Variants in FSHR observed in about 807,000 individuals in gnomAD.
FSHR encodes follicle-stimulating hormone receptor.
In FSHR, 46 loss-of-function variants were observed where a neutral mutation model predicts 52.1. That is an observed-to-expected ratio of 0.88 (90% CI 0.70 to 1.13). FSHR has a LOEUF of 1.13. Among genes scored for constraint, FSHR ranks in the 50% most tolerant of loss-of-function variants. The pLI, the probability that FSHR is intolerant of heterozygous loss-of-function variation, is 0.00. For synonymous variants in FSHR, 399 were observed against 309.6 expected (o/e 1.29, Z -3.03); for missense variants, 964 against 834.6 (o/e 1.16, Z -1.91).
intron 6 of FSHR, among the ~76,000 whole-genome samples, chr2:48,987,105 T>C (rs1470289211): frequency 1.3e-5 from 2 of 152,202 alleles, no homozygotes; most frequent in Non-Finnish European, 2.9e-5. Context: ...AGGAATCCTT[T>C]TACTGTTGTG....
At chr2:49,142,903 G>T (rs984819370) in intron 1 of FSHR, among the ~76,000 whole-genome samples, 1 of 152,152 alleles carries the variant, frequency 6.6e-6, no homozygotes, top group Non-Finnish European at 1.5e-5. Flanking sequence ...TGAAGGCTGG[G>T]AGAAGAGATT....
intron 2 of FSHR, among the ~76,000 whole-genome samples, chr2:49,060,144 A>G (rs923822883): frequency 6.6e-6 from 1 of 152,194 alleles, no homozygotes; most frequent in African/African-American, 2.4e-5. Flanking sequence ...TCAAACCATA[A>G]TGAGGTATCA....
intron 1 of FSHR, among the ~76,000 whole-genome samples, chr2:49,114,866 G>A (rs1671545433): frequency 6.6e-6 from 1 of 152,016 alleles, no homozygotes; most frequent in Non-Finnish European, 1.5e-5. Flanking sequence ...TACAACCTTT[G>A]TGGTAGAATC....
intron 8 of FSHR, among the ~76,000 whole-genome samples, chr2:48,982,132 C>T (rs1013662570): frequency 1.3e-5 from 2 of 152,100 alleles, no homozygotes; most frequent in Admixed American, 6.6e-5. Context: ...ATTGTCCCCC[C>T]ACCAAAGAAG....
At chr2:49,142,172 T>C (rs545862407) in intron 1 of FSHR, among the ~76,000 whole-genome samples, 11 of 152,346 alleles carry the variant, frequency 7.2e-5, no homozygotes, top group African/African-American at 2.6e-4. Context: ...TGTTGAAATC[T>C]TTGCCATCAT....
At chr2:49,074,023 T>C (rs1296504899) in intron 1 of FSHR, among the ~76,000 whole-genome samples, 1 of 152,096 alleles carries the variant, frequency 6.6e-6, no homozygotes, top group African/African-American at 2.4e-5. Flanking sequence ...CCTCTCATTC[T>C]ATATAGAAAT....
intron 2 of FSHR, among the ~76,000 whole-genome samples, chr2:49,038,498 A>G (rs1012044869): frequency 4.0e-5 from 6 of 151,468 alleles, no homozygotes; most frequent in East Asian, 3.9e-4. Context: ...GGTGGGGAGC[A>G]CCTGTAGTCC....
intron 1 of FSHR, among the ~76,000 whole-genome samples, chr2:49,111,949 A>G (rs944657759): frequency 7.9e-5 from 12 of 152,198 alleles, no homozygotes; most frequent in Non-Finnish European, 1.6e-4. Context: ...AGGGCTGACA[A>G]TATTGCCCGT....
chr2:49,085,967 G>C (rs542801473), intron 1 of FSHR, among the ~76,000 whole-genome samples: 31 of 151,934 alleles, frequency 2.0e-4, no homozygotes, highest in African/African-American at 4.1e-4. Context: ...CCTGTTGTGG[G>C]GGGGGGGAGT....
At chr2:49,067,372 TA>T (rs1669545951) in intron 2 of FSHR, among the ~76,000 whole-genome samples, 1 of 152,138 alleles carries the variant, frequency 6.6e-6, no homozygotes, top group South Asian at 2.1e-4. Context: ...ACCAAAAAGA[TA>T]AAGTTAATGA....
chr2:49,126,847 TAC>T (rs1337155273), intron 1 of FSHR, among the ~76,000 whole-genome samples: 2 of 152,212 alleles, frequency 1.3e-5, no homozygotes. Context: ...ATGTGAAAGT[TAC>T]AGAGATGGTT....
At chr2:49,139,477 A>C (rs1257643816) in intron 1 of FSHR, among the ~76,000 whole-genome samples, 4 of 152,154 alleles carry the variant, frequency 2.6e-5, no homozygotes, top group Non-Finnish European at 4.4e-5. Flanking sequence ...CAAGCTGACC[A>C]TGGAAGACCT....
At chr2:49,096,068 A>G (rs1604825) in intron 1 of FSHR, among the ~76,000 whole-genome samples, 4,472 of 152,318 alleles carry the variant, frequency 0.029, 199 homozygotes, top group African/African-American at 0.1. Flanking sequence ...TAGTTCCTCA[A>G]AAAGTTAAAC....
chr2:49,121,187 T>C (rs1011577), intron 1 of FSHR, among the ~76,000 whole-genome samples: 72,653 of 152,058 alleles, frequency 0.48, 18,304 homozygotes, highest in East Asian at 0.71. Flanking sequence ...CAGACACTGC[T>C]GAGTGATTTC....
At chr2:49,103,178 A>G (rs901719058) in intron 1 of FSHR, among the ~76,000 whole-genome samples, 1 of 152,090 alleles carries the variant, frequency 6.6e-6, no homozygotes. Context: ...TGCTCTATTG[A>G]GAAGAAACGT....
Position 49,063,182 on chromosome 2 carries a change from C to T in FSHR, c.224+5037G>A, listed in dbSNP as rs977208795. ...ATTAATTTAAGTGTGGGAGGATTTG[C>T]TCTGTCTTCTGCCACTGTACCCTGG... On this transcript the variant is annotated intron_variant, in intron 2 of 9. Coordinates refer to ENST00000406846, the MANE Select transcript of FSHR (RefSeq NM_000145.4). Among the ~76,000 whole-genome samples the T allele has an allele frequency of 1.2e-4, 19 of 152,072 alleles. No homozygotes were observed. The South Asian group carries it at 1.9e-3, about 15-fold the overall frequency.
chr2:49,064,536 G>A (rs1450681395), intron 2 of FSHR, among the ~76,000 whole-genome samples: 1 of 152,020 alleles, frequency 6.6e-6, no homozygotes, highest in Admixed American at 6.6e-5. Context: ...GGAGTTTCAA[G>A]TCTCCATAAC....
intron 1 of FSHR, among the ~76,000 whole-genome samples, chr2:49,111,622 G>T (rs180695984): frequency 8.1e-4 from 123 of 152,236 alleles, no homozygotes; most frequent in African/African-American, 2.4e-3. Context: ...AGCCGTTGTT[G>T]CCTGGACGGC....
chr2:48,970,996 A>G (rs951944289), intron 8 of FSHR, among the ~76,000 whole-genome samples: 1 of 152,186 alleles, frequency 6.6e-6, no homozygotes, highest in South Asian at 2.1e-4. Flanking sequence ...CAAAGGTCTT[A>G]TAACTGCCCT....
Sources: allele counts gnomAD v4.1 joint callset (sites outside exome capture counted in the v4.1 genomes callset), GRCh38; gene constraint gnomAD v4.1.1; transcripts MANE v1.5; gene names NCBI Gene and HGNC (gene_info 2026-07-23, HGNC 2026-07-21).